Variants in SERINC2 observed in about 807,000 individuals in gnomAD.
SERINC2 encodes the protein serine incorporator 2.
Under a neutral mutation model 54.2 loss-of-function variants are expected in SERINC2, and 56 were observed. The observed-to-expected ratio is 1.03, with a 90% confidence interval of 0.83 to 1.29. The LOEUF is 1.29. Ranked by LOEUF, SERINC2 falls within the 50% of genes most tolerant of loss-of-function variation. The pLI is 0.00. For synonymous variants in SERINC2, 272 were observed against 253.1 expected (o/e 1.07, Z -0.71); for missense variants, 614 against 607.4 (o/e 1.01, Z -0.12).
At chr1:31,428,789 A>G (rs1256424675) in intron 6 of SERINC2, among the ~76,000 whole-genome samples, 189 bp from the exon 7 acceptor site, 5 of 151,728 alleles carry the variant, frequency 3.3e-5, no homozygotes, top group African/African-American at 9.7e-5. Context: ...GAGAAAGAAG[A>G]ATTAGGACTC....
At chr1:31,415,871 A>G in intron 1 of SERINC2, 1 of 984,644 alleles carries the variant, frequency 1.0e-6, no homozygotes, top group South Asian at 4.7e-5. Flanking sequence ...TGTGCTTCTC[A>G]GCATTGGAAC....
At chr1:31,414,065 G>A in intron 1 of SERINC2, 10 of 1,497,328 alleles carry the variant, frequency 6.7e-6, no homozygotes, top group South Asian at 1.3e-5. Flanking sequence ...AGTGAGGCGG[G>A]TGCGGGTCGT....
intron 7 of SERINC2, 95 bp downstream of exon 7, chr1:31,429,163 A>G (rs1641126637): frequency 4.2e-6 from 5 of 1,182,726 alleles, no homozygotes; most frequent in Non-Finnish European, 6.3e-6. Flanking sequence ...TGACAGGGAC[A>G]TCCCTGCTCC....
At chr1:31,425,030 G>A (rs1553133343) in intron 3 of SERINC2, among the ~76,000 whole-genome samples, 157 bp downstream of exon 3, 1 of 152,216 alleles carries the variant, frequency 6.6e-6, no homozygotes, top group Non-Finnish European at 1.5e-5. Flanking sequence ...TTTCTCAGAT[G>A]AAGAGTAAGG....
intron 5 of SERINC2, 45 bp downstream of exon 5, chr1:31,425,958 C>A (rs1641031774): frequency 6.3e-7 from 1 of 1,585,862 alleles, no homozygotes; most frequent in South Asian, 1.1e-5. Context: ...CGAGCCTGGG[C>A]AGGGCTGGGG....
At chr1:31,431,796 T>TAGGGTGGATAGGGTGGACAGGGTGGAC (rs1557499813) in intron 8 of SERINC2, among the ~76,000 whole-genome samples, 10 of 10,950 alleles carry the variant, frequency 9.1e-4, no homozygotes, top group Non-Finnish European at 1.4e-3. Flanking sequence ...ATAGGGTGGA[T>TAGGGTGGATAGGGTGGACAGGGTGGAC]AGGGTGGACA....
intron 8 of SERINC2, among the ~76,000 whole-genome samples, chr1:31,432,156 C>CAGGGTGGAG (rs1641302019): frequency 2.2e-4 from 1 of 4,558 alleles, no homozygotes; most frequent in Non-Finnish European, 4.4e-4. Context: ...ACAGGGTGGA[C>CAGGGTGGAG]AGGGTGGATA....
At position 31,434,049 on chromosome 1, in the gene SERINC2, G is replaced by C. The variant is rs1641396898; in HGVS notation, c.1233-15G>C. ...GACTGGGCACCAGGCTCATGGGGAA[G>C]ATGGTGTGTTCCAGGCCCGGTGAGA... On this transcript the variant is annotated splice_polypyrimidine_tract_variant and intron_variant, in intron 9 of 9. Transcript: ENST00000373709. 1 of 1,612,656 alleles carries C rather than the reference G, an allele frequency of 6.2e-7. No homozygotes were observed. The highest frequency in any genetic ancestry group is 8.5e-7 in the Non-Finnish European group (1 of 1,179,284).
In SERINC2 at chr1:31,414,766, C is replaced by T. The variant is rs567262816; in HGVS notation, c.39+1462C>T. 1.2e-5 allele frequency: 12 copies of T among 985,448 alleles called. No homozygotes were observed. The South Asian group carries it at 5.2e-4, about 42-fold the overall frequency. The allele number at this position is 985,448 out of a possible 1,614,324, so 61.0% of individuals were successfully genotyped here. On this transcript the variant is annotated intron_variant, in intron 1 of 9. Transcript: ENST00000373709. ...CTTCCACAGTGGACCTGATTTCCAT[C>T]GGTTGCACCTGGTGAGGCACAGGCC...
chr1:31,431,948 T>TGGA, intron 8 of SERINC2, among the ~76,000 whole-genome samples: 1 of 3,184 alleles, frequency 3.1e-4, no homozygotes, highest in African/African-American at 9.8e-4. Context: ...GTTAGGGTGG[T>TGGA]TAGGGTGGTT....
intron 1 of SERINC2, chr1:31,414,119 G>C: frequency 6.9e-7 from 1 of 1,439,690 alleles, no homozygotes; most frequent in South Asian, 1.4e-5. Context: ...AGCAGGAATC[G>C]AGGGAGGTTC....
Position 31,423,804 on chromosome 1 carries a change from C to T in SERINC2, c.151C>T (p.Leu51=). 1 of 1,614,092 alleles carries T rather than the reference C, an allele frequency of 6.2e-7. No individual in the cohort carries two copies. Among genetic ancestry groups the T allele is most frequent in the Non-Finnish European group, 8.5e-7 (1 of 1,180,010 alleles). Reference sequence around the variant, plus strand: ...CACGTTCTTCCTCTTCCTGGGGGTGCTGGTGTCCATCATTATGCTGAGCCC... The same window carrying T: ...CACGTTCTTCCTCTTCCTGGGGGTGTTGGTGTCCATCATTATGCTGAGCCC... The part of the protein sequence containing the change: ...IFTFFLFLGV[L]VSIIMLSPGV... Residue 51 remains leucine, a synonymous_variant, in exon 2 of 10, where the codon CTG becomes TTG. Transcript: ENST00000373709.
At chr1:31,409,785 C>G, upstream of SERINC2, 2 of 1,541,656 alleles carry the variant, frequency 1.3e-6, no homozygotes, top group South Asian at 1.2e-5. Flanking sequence ...CCAGTACAGA[C>G]AGCGAAGCCC....
chr1:31,429,357 G>A, intron 7 of SERINC2, 40 bp from the exon 8 acceptor site: 1 of 1,579,340 alleles, frequency 6.3e-7, no homozygotes, highest in Non-Finnish European at 8.6e-7. Flanking sequence ...ACCTAGGCCT[G>A]GCCTGCATGG....
chr1:31,432,110 A>ACAGGG lies in SERINC2; in HGVS notation c.1014-857_1014-856insCAGGG, dbSNP rs1557501312. On this transcript the variant is annotated intron_variant, in intron 8 of 9. Coordinates refer to ENST00000373709, the MANE Select transcript of SERINC2 (RefSeq NM_178865.5). ...AGGGTGGACAGGGTGGACAGGGTGG[A>ACAGGG]TAGGGTGGTTAGGGTGGATAGGGTG... is the stretch of plus-strand genomic sequence containing the variant. Among the ~76,000 whole-genome samples the ACAGGG allele has an allele frequency of 1.9e-4, 19 of 100,080 alleles. 4 individuals carry two copies. Among genetic ancestry groups the ACAGGG allele is most frequent in the South Asian group, 7.1e-4 (2 of 2,806 alleles). 65.7% of individuals were successfully genotyped at this position (100,080 alleles called of 152,430 possible).
rs782706646 is a variant in SERINC2 at position 31,413,232 on chromosome 1, C to T, written c.-34C>T. 49 of 1,132,754 alleles carry T rather than the reference C, an allele frequency of 4.3e-5. 1 individual carries two copies. The South Asian group carries it at 7.4e-4, about 17-fold the overall frequency. 70.2% of individuals were successfully genotyped at this position (1,132,754 alleles called of 1,614,324 possible). A position where few individuals can be genotyped will look rare whatever the true frequency, so the allele number is the denominator to read the frequency against. ...GATCCCGAGGTCCGCGCCCCGCGCC[C>T]GGCGCCGGGCGCCCGAAGCCGGGAG... On this transcript the variant is annotated 5_prime_UTR_variant, in exon 1 of 10. Coordinates refer to ENST00000373709, the MANE Select transcript of SERINC2 (RefSeq NM_178865.5). This position sits in a 1 kb window ranked among gnomAD's most constrained non-coding sequence, Gnocchi z 5.0.
In SERINC2 at chr1:31,429,508, T is replaced by C; in HGVS notation, c.983T>C (p.Ile328Thr). The C allele has an allele frequency of 6.2e-7, 1 of 1,613,144 alleles. No individual in the cohort carries two copies. Among genetic ancestry groups the C allele is most frequent in the Non-Finnish European group, 8.5e-7 (1 of 1,179,500 alleles). Reference protein sequence around the residue: ...WWDAPSIVGLIIFLLCTLFIS... With the variant: ...WWDAPSIVGLTIFLLCTLFIS... ...GATGCCCCGAGCATTGTGGGCCTCATCATCTTCCTCCTGTGCACCCTCTTC... is the reference window on the plus strand; with the variant it reads ...GATGCCCCGAGCATTGTGGGCCTCACCATCTTCCTCCTGTGCACCCTCTTC... Residue 328 changes from isoleucine to threonine, a missense_variant, in exon 8 of 10, where the codon ATC becomes ACC. Transcript: ENST00000373709.
In SERINC2 at chr1:31,424,850, C is replaced by T. The variant is rs782639914; in HGVS notation, c.369C>T (p.Asp123=). 5.6e-6 allele frequency: 9 copies of T among 1,611,456 alleles called. No individual in the cohort carries two copies. Among genetic ancestry groups the T allele is most frequent in the South Asian group, 4.4e-5 (4 of 90,814 alleles). ...TGCTCTGCGTGAGCAGCAGCCGGGA[C>T]CCCCGGGCTGCCATCCAGAATGGGT... ...LLMLCVSSSR[D]PRAAIQNGFW... Residue 123 remains aspartate, a synonymous_variant, in exon 3 of 10, where the codon GAC becomes GAT. Coordinates refer to ENST00000373709, the MANE Select transcript of SERINC2 (RefSeq NM_178865.5).
At chr1:31,415,901 G>C in intron 1 of SERINC2, 1 of 985,650 alleles carries the variant, frequency 1.0e-6, no homozygotes, top group South Asian at 4.7e-5. Context: ...GGTGAACTGG[G>C]CTGAAGGTGG....
Sources: allele counts gnomAD v4.1 joint callset (sites outside exome capture counted in the v4.1 genomes callset), GRCh38; gene constraint gnomAD v4.1.1; non-coding constraint Gnocchi (gnomAD v3.1); transcripts MANE v1.5; gene names NCBI Gene and HGNC (gene_info 2026-07-23, HGNC 2026-07-21).